PKHD1L1: variants seen among roughly 807,000 people sequenced by gnomAD.
PKHD1L1 encodes fibrocystin-L.
Under a neutral mutation model 462.9 loss-of-function variants are expected in PKHD1L1, and 434 were observed. The observed-to-expected ratio is 0.94, with a 90% CI of 0.87 to 1.02. PKHD1L1 has a LOEUF of 1.02. Among genes scored for constraint, PKHD1L1 ranks in the 50% least tolerant of loss-of-function variants. The pLI, the probability that PKHD1L1 is intolerant of heterozygous loss-of-function variation, is 0.00. For missense variants in PKHD1L1, 5,202 were observed against 5,096.1 expected (o/e 1.02, Z -0.63); for synonymous variants, 1,781 against 1,750.0 (o/e 1.02, Z -0.44).
chr8:109,498,528 AAT>A lies in PKHD1L1; in HGVS notation c.10669_10670del (p.Ile3557Ter), dbSNP rs1192227313. On this transcript the variant is annotated frameshift_variant, in exon 66 of 78. Transcript: ENST00000378402. LOFTEE classifies it high-confidence loss of function. ...CSDVLTNDDP[N>X]IELTAAHRSP... ...TGATGTCCTAACTAATGATGATCCT[AAT>A]ATTGAACTCACTGCTGCTCATCGGA... 6.2e-7 allele frequency: 1 copy of A among 1,613,794 alleles called. No individual in the cohort carries two copies. The highest frequency in any genetic ancestry group is 8.5e-7 in the Non-Finnish European group (1 of 1,179,676).
chr8:109,450,196 G>C (rs1270838228), intron 40 of PKHD1L1, among the ~76,000 whole-genome samples: 1 of 152,084 alleles, frequency 6.6e-6, no homozygotes, highest in Non-Finnish European at 1.5e-5. Context: ...TAATTCAATG[G>C]ATTGTTGTGA....
Position 109,430,009 on chromosome 8 carries a change from C to A in PKHD1L1, c.3201C>A (p.Pro1067=). ...TTACATGGGATTCCAACATTACTCC[C>A]CTAGTCTTGGCGATAAGCCCTTCTC... ...CGFTWDSNIT[P]LVLAISPSQG... is the part of the protein sequence containing the mutation. Residue 1067 remains proline, a synonymous_variant, in exon 27 of 78, where the codon CCC becomes CCA. Transcript: ENST00000378402. 1 of 1,609,966 alleles carries A rather than the reference C, an allele frequency of 6.2e-7. No individual in the cohort carries two copies.
chr8:109,415,861 AG>A (rs36079473), intron 21 of PKHD1L1, among the ~76,000 whole-genome samples: 1 of 58,568 alleles, frequency 1.7e-5, no homozygotes, highest in Non-Finnish European at 3.5e-5. Flanking sequence ...AAAAAAAAAA[AG>A]GGGTGTGTGT....
intron 21 of PKHD1L1, among the ~76,000 whole-genome samples, chr8:109,416,431 T>TTTAATAA (rs1456960975): frequency 3.3e-5 from 5 of 152,196 alleles, no homozygotes; most frequent in Non-Finnish European, 7.4e-5. Flanking sequence ...ACCATATGAT[T>TTTAATAA]TTAATAATTA....
At chr8:109,454,876 G>A (rs1816733407) in intron 45 of PKHD1L1, 24 bp downstream of exon 45, 2 of 1,599,362 alleles carry the variant, frequency 1.3e-6, no homozygotes, top group African/African-American at 1.3e-5. Context: ...GTGGCTAAGG[G>A]AGTTGGTAGA....
chr8:109,462,419 C>T (rs900409823), intron 48 of PKHD1L1, among the ~76,000 whole-genome samples: 1 of 152,126 alleles, frequency 6.6e-6, no homozygotes, highest in African/African-American at 2.4e-5. Flanking sequence ...CCCAGAGATA[C>T]CGTCTGATTT....
chr8:109,457,045 C>A (rs1472932419), intron 46 of PKHD1L1, among the ~76,000 whole-genome samples: 3 of 152,066 alleles, frequency 2.0e-5, no homozygotes, highest in Non-Finnish European at 4.4e-5. Context: ...TAACATAACA[C>A]CACCAAGTAT....
intron 38 of PKHD1L1, among the ~76,000 whole-genome samples, chr8:109,447,871 C>T (rs564567878): frequency 3.9e-5 from 6 of 152,210 alleles, no homozygotes; most frequent in South Asian, 2.1e-4. Flanking sequence ...TCTCTATTAG[C>T]GTGAATTAAT....
chr8:109,524,461 G>A (rs1483483004), intron 76 of PKHD1L1, among the ~76,000 whole-genome samples: 1 of 151,978 alleles, frequency 6.6e-6, no homozygotes, highest in Non-Finnish European at 1.5e-5. Flanking sequence ...TATGGGAAAT[G>A]AGGCAGCTGG....
intron 22 of PKHD1L1, among the ~76,000 whole-genome samples, chr8:109,419,850 G>A (rs375479172): frequency 2.0e-5 from 3 of 151,760 alleles, no homozygotes; most frequent in Non-Finnish European, 2.9e-5. Context: ...CCATTTTTGA[G>A]AGGAACATTA....
chr8:109,425,043 G>T (rs1236315813), intron 23 of PKHD1L1, 42 bp from the exon 24 acceptor site: 1 of 1,452,588 alleles, frequency 6.9e-7, no homozygotes, highest in Admixed American at 2.3e-5. Flanking sequence ...GTAAGCCATT[G>T]TTAAGTTTAA....
chr8:109,384,032 A>C, intron 4 of PKHD1L1, 38 bp from the exon 5 acceptor site: 3 of 1,362,604 alleles, frequency 2.2e-6, no homozygotes, highest in Non-Finnish European at 3.1e-6. Flanking sequence ...GAAACAAAAC[A>C]GAGATAAGTT....
At chr8:109,415,471 C>A (rs1483599993) in intron 21 of PKHD1L1, among the ~76,000 whole-genome samples, 2 of 152,224 alleles carry the variant, frequency 1.3e-5, no homozygotes, top group South Asian at 2.1e-4. Flanking sequence ...TGGGAAACAG[C>A]CAGGGTGTAG....
intron 50 of PKHD1L1, among the ~76,000 whole-genome samples, chr8:109,471,578 T>C (rs1467420399): frequency 6.6e-6 from 1 of 152,188 alleles, no homozygotes; most frequent in African/African-American, 2.4e-5. Context: ...CAACTGAAAA[T>C]GAATGCCGAA....
chr8:109,401,202 T>A (rs1813255437), intron 13 of PKHD1L1, among the ~76,000 whole-genome samples: 1 of 152,126 alleles, frequency 6.6e-6, no homozygotes, highest in South Asian at 2.1e-4. Context: ...CTGGTAAGTA[T>A]CTTCTTAGTT....
At chr8:109,385,150 T>C (rs979554767) in intron 5 of PKHD1L1, among the ~76,000 whole-genome samples, 1 of 151,682 alleles carries the variant, frequency 6.6e-6, no homozygotes, top group Non-Finnish European at 1.5e-5. Flanking sequence ...ATAAATATTA[T>C]ATAAATTTTC....
At chr8:109,467,337 C>T (rs947492544) in intron 50 of PKHD1L1, among the ~76,000 whole-genome samples, 1 of 152,162 alleles carries the variant, frequency 6.6e-6, no homozygotes, top group Non-Finnish European at 1.5e-5. Context: ...TCCTGAATCT[C>T]ACGTTTCTTA....
intron 25 of PKHD1L1, among the ~76,000 whole-genome samples, chr8:109,428,966 A>C (rs1481300562): frequency 6.6e-6 from 1 of 152,232 alleles, no homozygotes; most frequent in Admixed American, 6.5e-5. Flanking sequence ...TCAATTTTTC[A>C]ATTATTTAAG....
chr8:109,383,261 T>C (rs1328582408), intron 4 of PKHD1L1, among the ~76,000 whole-genome samples: 1 of 97,846 alleles, frequency 1.0e-5, no homozygotes, highest in Non-Finnish European at 1.9e-5. Context: ...TAATAGATAA[T>C]TATATAATAT....
Sources: gnomAD v4.1 joint callset for allele counts (sites outside exome capture counted in the v4.1 genomes callset) on GRCh38, gnomAD v4.1.1 for gene constraint, MANE v1.5 for transcripts, NCBI Gene and HGNC (gene_info 2026-07-23, HGNC 2026-07-21) for gene names.